The following NRXN1 variants were observed in gnomAD, a reference collection of about 807,000 sequenced individuals.
The protein encoded by NRXN1 is neurexin-1.
NRXN1 carries 39 observed loss-of-function variants against 150.9 expected under a neutral mutation model. That is an observed-to-expected ratio of 0.26 (90% CI 0.20 to 0.34). The LOEUF (loss-of-function observed/expected upper bound fraction) is 0.34, where lower values mean the gene tolerates loss of function less well. Among genes scored for constraint, NRXN1 ranks in the 10% least tolerant of loss-of-function variants. The pLI, the probability that NRXN1 is intolerant of heterozygous loss-of-function variation, is 1.00. For missense variants in NRXN1, 1,815 were observed against 1,949.9 expected, an observed-to-expected ratio of 0.93 and a Z score of 1.30; for synonymous variants, 924 against 757.0, an observed-to-expected ratio of 1.22 and a Z score of -3.62.
At chr2:50,954,642 G>C (rs1575044416) in intron 2 of NRXN1, among the ~76,000 whole-genome samples, 1 of 152,200 alleles carries the variant, frequency 6.6e-6, no homozygotes, top group South Asian at 2.1e-4. Context: ...AAGAAGAGAA[G>C]CAGGCAGGGA....
At chr2:50,793,539 A>G (rs1227038064) in intron 5 of NRXN1, among the ~76,000 whole-genome samples, 1 of 152,122 alleles carries the variant, frequency 6.6e-6, no homozygotes, top group Non-Finnish European at 1.5e-5. Context: ...TGCCTAGTTT[A>G]TCCCTTAATT....
At chr2:49,968,357 T>G (rs769217705) in intron 21 of NRXN1, among the ~76,000 whole-genome samples, 1 of 152,098 alleles carries the variant, frequency 6.6e-6, no homozygotes, top group Non-Finnish European at 1.5e-5. Flanking sequence ...AAACTAAATA[T>G]GCAGATGACT....
chr2:50,582,204 C>T (rs993390869), intron 8 of NRXN1, among the ~76,000 whole-genome samples: 2 of 152,044 alleles, frequency 1.3e-5, no homozygotes, highest in African/African-American at 4.8e-5. Context: ...TAATAGATGG[C>T]TAACATCTTT....
intron 5 of NRXN1, among the ~76,000 whole-genome samples, chr2:50,833,667 G>A (rs1380011418): frequency 6.6e-6 from 1 of 152,136 alleles, no homozygotes; most frequent in Non-Finnish European, 1.5e-5. Context: ...ATCTACAAAA[G>A]GACAGCAAGA....
chr2:50,104,105 T>C (rs1372440309), intron 18 of NRXN1, among the ~76,000 whole-genome samples: 2 of 152,022 alleles, frequency 1.3e-5, no homozygotes, highest in Non-Finnish European at 2.9e-5. Context: ...GGATAGTGTT[T>C]GTGAAATATC....
At position 50,231,627 on chromosome 2, in the gene NRXN1, A is replaced by G. The variant is rs183634833; in HGVS notation, c.3546+5162T>C. On this transcript the variant is annotated intron_variant, in intron 18 of 22. Transcript: ENST00000401669. ...TGCAATGCTCTTTTATGCTCCCAAG[A>G]TGAAAGGATTTCAAAACACACTCTT... Among the ~76,000 whole-genome samples the G allele has an allele frequency of 9.2e-5, 14 of 152,210 alleles. 1 individual carries two copies. Among genetic ancestry groups the G allele is most frequent in the Admixed American group, 7.2e-4 (11 of 15,266 alleles).
intron 17 of NRXN1, among the ~76,000 whole-genome samples, chr2:50,294,117 T>C (rs2073275932): frequency 6.6e-6 from 1 of 152,188 alleles, no homozygotes; most frequent in Non-Finnish European, 1.5e-5. Context: ...AAACCTTTGG[T>C]AAACTTTTCC....
At chr2:50,893,857 G>C (rs540345191) in intron 5 of NRXN1, among the ~76,000 whole-genome samples, 12 of 152,006 alleles carry the variant, frequency 7.9e-5, no homozygotes, top group South Asian at 4.2e-4. Context: ...GCGGTGTTTG[G>C]TTTTTTGTTC....
intron 17 of NRXN1, among the ~76,000 whole-genome samples, chr2:50,429,210 G>T (rs960828050): frequency 1.3e-5 from 2 of 151,918 alleles, no homozygotes; most frequent in African/African-American, 4.8e-5. Flanking sequence ...TATATAGAGT[G>T]TCTCTAAAAT....
intron 5 of NRXN1, among the ~76,000 whole-genome samples, chr2:50,763,980 G>C (rs1559227761): frequency 6.6e-6 from 1 of 150,748 alleles, no homozygotes; most frequent in Non-Finnish European, 1.5e-5. Flanking sequence ...GAATGCATTA[G>C]AACTAAAGAG....
At chr2:50,141,670 G>A (rs909181476) in intron 18 of NRXN1, among the ~76,000 whole-genome samples, 3 of 152,012 alleles carry the variant, frequency 2.0e-5, no homozygotes, top group African/African-American at 7.2e-5. Context: ...TTTACTTAAA[G>A]AAGACATACA....
chr2:50,983,849 A>G (rs914360922), intron 2 of NRXN1, among the ~76,000 whole-genome samples: 4 of 152,160 alleles, frequency 2.6e-5, no homozygotes, highest in Non-Finnish European at 5.9e-5. Context: ...GGCAATGAAT[A>G]TAACTCTTCT....
rs192214579 is a variant in NRXN1, at chr2:50,715,420, G to T, written c.833-91805C>A. On this transcript the variant is annotated intron_variant, in intron 5 of 22. Transcript: ENST00000401669. ...TTGTAATAAAAATGCTTCTCACAGG[G>T]TTGCTGTAAAGATTAAATAAGAAAC... 6.6e-5 allele frequency among the ~76,000 whole-genome samples: 10 copies of T among 152,230 alleles called. No homozygotes were observed. The East Asian group carries it at 7.7e-4, about 12-fold the overall frequency.
At chr2:50,154,409 T>C (rs1482327715) in intron 18 of NRXN1, among the ~76,000 whole-genome samples, 1 of 151,572 alleles carries the variant, frequency 6.6e-6, no homozygotes, top group Non-Finnish European at 1.5e-5. Context: ...TTAAGAAGCA[T>C]GGGAATTGTA....
At chr2:50,327,179 A>C (rs1465520521) in intron 17 of NRXN1, among the ~76,000 whole-genome samples, 1 of 152,238 alleles carries the variant, frequency 6.6e-6, no homozygotes, top group African/African-American at 2.4e-5. Context: ...AAATCGTGGT[A>C]TATGCATACA....
intron 8 of NRXN1, among the ~76,000 whole-genome samples, chr2:50,592,983 G>C (rs993850521): frequency 9.2e-5 from 14 of 152,154 alleles, no homozygotes; most frequent in Non-Finnish European, 1.5e-4. Flanking sequence ...TCAAGGTGGT[G>C]ATCAATAATT....
At chr2:50,735,200 T>C (rs1454575017) in intron 5 of NRXN1, among the ~76,000 whole-genome samples, 1 of 152,114 alleles carries the variant, frequency 6.6e-6, no homozygotes, top group Admixed American at 6.5e-5. Context: ...CAAAACATAT[T>C]TGTCTCTCTG....
At chr2:49,982,205 T>A (rs1476090771) in intron 21 of NRXN1, among the ~76,000 whole-genome samples, 1 of 152,140 alleles carries the variant, frequency 6.6e-6, no homozygotes, top group Non-Finnish European at 1.5e-5. Context: ...AGAAAAAGAT[T>A]AGGAATGATG....
At chr2:50,026,655 TA>T (rs981559532) in intron 21 of NRXN1, among the ~76,000 whole-genome samples, 1 of 151,960 alleles carries the variant, frequency 6.6e-6, no homozygotes, top group South Asian at 2.1e-4. Flanking sequence ...CATAGAATTT[TA>T]AAAAAATTCT....
Sources: gnomAD v4.1 joint callset for allele counts (sites outside exome capture counted in the v4.1 genomes callset) on GRCh38, gnomAD v4.1.1 for gene constraint, MANE v1.5 for transcripts, NCBI Gene and HGNC (gene_info 2026-07-23, HGNC 2026-07-21) for gene names.